UBXN8: variants seen among roughly 807,000 people sequenced by gnomAD.
UBXN8 encodes the protein UBX domain protein 8.
UBXN8 carries 27 observed loss-of-function variants against 32.1 expected under a neutral mutation model. That is an observed-to-expected ratio of 0.84 (90% confidence interval 0.62 to 1.16). The LOEUF (loss-of-function observed/expected upper bound fraction) is 1.16, where lower values mean the gene tolerates loss of function less well. Ranked by LOEUF, UBXN8 falls within the 50% of genes most tolerant of loss-of-function variation. UBXN8 has a pLI of 0.00. For synonymous variants in UBXN8, 109 were observed against 111.8 expected (o/e 0.98, Z 0.16); for missense variants, 306 against 311.4 (o/e 0.98, Z 0.13).
chr8:30,730,606 G>A (rs928667381), upstream of UBXN8, among the ~76,000 whole-genome samples: 2 of 152,154 alleles, frequency 1.3e-5, no homozygotes, highest in Admixed American at 6.5e-5. Flanking sequence ...AGGCTAAACC[G>A]ATACAGGGAA....
chr8:30,761,704 C>T (rs145615346), intron 6 of UBXN8, among the ~76,000 whole-genome samples: 5 of 151,102 alleles, frequency 3.3e-5, no homozygotes, highest in East Asian at 3.9e-4. Flanking sequence ...GAGACGCTGT[C>T]GCTACAAAAA....
chr8:30,729,888 T>C (rs962994824), upstream of UBXN8, among the ~76,000 whole-genome samples: 4 of 151,688 alleles, frequency 2.6e-5, no homozygotes, highest in Admixed American at 1.3e-4. Flanking sequence ...GTTACCACAG[T>C]GGGTAAGAGG....
chr8:30,742,858 A>G (rs1469173), upstream of UBXN8, among the ~76,000 whole-genome samples: 149,028 of 152,180 alleles, frequency 0.98, 73,048 homozygotes, highest in Middle Eastern at 1. Context: ...GAACTGCATT[A>G]TGTTTATTTG....
At chr8:30,760,165 C>G (rs1353049225) in intron 5 of UBXN8, among the ~76,000 whole-genome samples, 1 of 147,162 alleles carries the variant, frequency 6.8e-6, no homozygotes, top group African/African-American at 2.5e-5. Flanking sequence ...GGGTTCCAAG[C>G]GATTTTCCTG....
upstream of UBXN8, chr8:30,744,152 G>C (rs769326050): frequency 1.1e-5 from 18 of 1,597,136 alleles, no homozygotes; most frequent in Non-Finnish European, 1.2e-5. Flanking sequence ...CGGCCGGAAG[G>C]GGCGGGCTTT....
chr8:30,749,855 C>T (rs1049046556), intron 1 of UBXN8, among the ~76,000 whole-genome samples: 7 of 152,012 alleles, frequency 4.6e-5, no homozygotes, highest in Non-Finnish European at 1.0e-4. Context: ...CTGCCTGCCT[C>T]GGCCTCCCAA....
chr8:30,730,715 A>G (rs567418084), upstream of UBXN8, among the ~76,000 whole-genome samples: 41 of 152,380 alleles, frequency 2.7e-4, no homozygotes, highest in African/African-American at 9.6e-4. Flanking sequence ...GCACAATTCT[A>G]CGAGAGACTG....
At chr8:30,753,925 C>T (rs1395525458) in intron 3 of UBXN8, among the ~76,000 whole-genome samples, 1 of 151,918 alleles carries the variant, frequency 6.6e-6, no homozygotes, top group Non-Finnish European at 1.5e-5. Context: ...GGCACACACA[C>T]ACCACCATGC....
upstream of UBXN8, among the ~76,000 whole-genome samples, chr8:30,742,848 G>A (rs1475507651): frequency 6.6e-6 from 1 of 151,968 alleles, no homozygotes; most frequent in African/African-American, 2.4e-5. Flanking sequence ...TAGCACTCAG[G>A]AACTGCATTA....
At chr8:30,747,887 A>ATATTTT (rs1805405710) in intron 1 of UBXN8, among the ~76,000 whole-genome samples, 1 of 40,744 alleles carries the variant, frequency 2.5e-5, no homozygotes, top group South Asian at 6.8e-4. Context: ...TTTAATATAT[A>ATATTTT]TTTTTTCTTT....
intron 5 of UBXN8, among the ~76,000 whole-genome samples, chr8:30,760,443 A>ATTTTTTTTTTTTTTT (rs199634258): frequency 1.1e-5 from 1 of 91,118 alleles, no homozygotes; most frequent in Non-Finnish European, 2.0e-5. Context: ...ATATATATAT[A>ATTTTTTTTTTTTTTT]TTTTTTTTTT....
At chr8:30,745,313 G>A (rs1238988297) in intron 1 of UBXN8, among the ~76,000 whole-genome samples, 1 of 152,164 alleles carries the variant, frequency 6.6e-6, no homozygotes, top group Non-Finnish European at 1.5e-5. Flanking sequence ...ACTGCCTCAT[G>A]GGGGACTGAG....
chr8:30,758,519 TG>T (rs781168613), intron 5 of UBXN8, among the ~76,000 whole-genome samples: 4 of 152,228 alleles, frequency 2.6e-5, no homozygotes, highest in Non-Finnish European at 5.9e-5. Context: ...TAGGGAAAGC[TG>T]GGAGGCTGTC....
chr8:30,760,589 A>G (rs898287830), intron 5 of UBXN8, among the ~76,000 whole-genome samples: 7 of 151,338 alleles, frequency 4.6e-5, no homozygotes, highest in Admixed American at 1.3e-4. Flanking sequence ...GCTTTTTTAC[A>G]TAGTGCATTT....
intron 4 of UBXN8, among the ~76,000 whole-genome samples, chr8:30,755,019 A>G (rs1345771609): frequency 6.8e-6 from 1 of 147,876 alleles, no homozygotes; most frequent in Non-Finnish European, 1.5e-5. Context: ...TCAGTGGCAC[A>G]ATCTCGGCTC....
intron 1 of UBXN8, among the ~76,000 whole-genome samples, chr8:30,744,655 T>C (rs1046773534): frequency 6.6e-6 from 1 of 152,268 alleles, no homozygotes; most frequent in Admixed American, 6.5e-5. Context: ...CAGGCTGGTC[T>C]CGAACTCCTG....
At chr8:30,759,184 C>T (rs1199937287) in intron 5 of UBXN8, among the ~76,000 whole-genome samples, 5 of 151,750 alleles carry the variant, frequency 3.3e-5, no homozygotes, top group East Asian at 1.9e-4. Flanking sequence ...TGAGCCACCA[C>T]GCCCGGCCAC....
chr8:30,751,592 A>AAATGGCTCTTACTGT, intron 2 of UBXN8, 74 bp downstream of exon 2: 2 of 1,266,892 alleles, frequency 1.6e-6, no homozygotes, highest in Non-Finnish European at 2.1e-6. Flanking sequence ...TTGCACAGTA[A>AAATGGCTCTTACTGT]GAGCCATTTT....
At chr8:30,764,187 G>A (rs1052107037) in intron 7 of UBXN8, among the ~76,000 whole-genome samples, 26 of 152,262 alleles carry the variant, frequency 1.7e-4, no homozygotes, top group African/African-American at 6.3e-4. Flanking sequence ...ATAATTTTCT[G>A]TCCTGTTTGT....
Sources: gnomAD v4.1 joint callset for allele counts (sites outside exome capture counted in the v4.1 genomes callset) on GRCh38, gnomAD v4.1.1 for gene constraint, MANE v1.5 for transcripts, NCBI Gene and HGNC (gene_info 2026-07-23, HGNC 2026-07-21) for gene names.